TLK1: variants seen among roughly 807,000 people sequenced by gnomAD.
The protein encoded by TLK1 is serine/threonine-protein kinase tousled-like 1.
In TLK1, 24 loss-of-function variants were observed where a neutral mutation model predicts 105.3. The ratio of observed to expected loss-of-function variants is 0.23; its 90% CI spans 0.17 to 0.32. The LOEUF (loss-of-function observed/expected upper bound fraction) is 0.32. TLK1 is among the 10% of genes least tolerant of loss of function. TLK1 has a pLI of 1.00. For missense variants in TLK1, 558 were observed against 910.5 expected (o/e 0.61, Z 4.98); for synonymous variants, 321 against 310.4 (o/e 1.03, Z -0.36).
chr2:171,035,184 T>C (rs576538260), intron 11 of TLK1, among the ~76,000 whole-genome samples: 46 of 152,010 alleles, frequency 3.0e-4, no homozygotes, highest in African/African-American at 1.1e-3. Flanking sequence ...CTACTAAAAA[T>C]ACAAAAAATT....
At position 171,086,025 on chromosome 2, in the gene TLK1, A is replaced by T. The variant is rs560296663; in HGVS notation, c.259-3173T>A. On this transcript the variant is annotated intron_variant, in intron 2 of 20. Transcript: ENST00000431350. Reference sequence around the variant, plus strand: ...AAGTAAAATAATTAAGGGATATCCAATTCTATCCTCTGCTTCGTATCTTCG... The same window carrying T: ...AAGTAAAATAATTAAGGGATATCCATTTCTATCCTCTGCTTCGTATCTTCG... Among the ~76,000 whole-genome samples the T allele has an allele frequency of 1.4e-4, 21 of 152,346 alleles. No homozygotes were observed. In the South Asian group the frequency reaches 3.7e-3, roughly 27 times the overall value.
At position 171,058,214 on chromosome 2, in the gene TLK1, G is replaced by A. The variant is rs373692808; in HGVS notation, c.407-17C>T. The stretch of plus-strand genomic sequence containing the variant: ...TACTTTTTCCTAAAATATAAGAAGC[G>A]CATGATGTTAGTAGGGTAGTGATGG... On this transcript the variant is annotated splice_polypyrimidine_tract_variant and intron_variant, in intron 4 of 20. Transcript: ENST00000431350. The A allele has an allele frequency of 1.7e-5, 28 of 1,612,970 alleles. No individual in the cohort carries two copies. Among genetic ancestry groups the A allele is most frequent in the East Asian group, 2.2e-5 (1 of 44,826 alleles).
At chr2:171,065,880 A>G (rs1687971120) in intron 3 of TLK1, among the ~76,000 whole-genome samples, 1 of 152,190 alleles carries the variant, frequency 6.6e-6, no homozygotes, top group African/African-American at 2.4e-5. Context: ...ACCAAATTCA[A>G]GGGTACTATA....
chr2:171,203,149 G>C (rs1183322429), intron 1 of TLK1, among the ~76,000 whole-genome samples: 1 of 151,610 alleles, frequency 6.6e-6, no homozygotes, highest in Non-Finnish European at 1.5e-5. Flanking sequence ...ATGCCCTCTT[G>C]GTGAGAGCAT....
chr2:171,112,502 C>T (rs915480487), intron 2 of TLK1, among the ~76,000 whole-genome samples: 3 of 152,156 alleles, frequency 2.0e-5, no homozygotes, highest in Non-Finnish European at 4.4e-5. Flanking sequence ...GTTATATACT[C>T]CAAACCTACA....
intron 1 of TLK1, among the ~76,000 whole-genome samples, chr2:171,124,096 T>G (rs1690773272): frequency 6.6e-6 from 1 of 152,220 alleles, no homozygotes; most frequent in Non-Finnish European, 1.5e-5. Context: ...AATATGGAAC[T>G]TTCTGTGCAT....
rs141341163 is a variant in TLK1 at position 171,055,164 on chromosome 2, C to T, written c.558G>A (p.Pro186=). The change falls in exon 7 of 21, where the codon CCG becomes CCA. Residue 186 remains proline, a synonymous_variant. Transcript: ENST00000431350. ...CTAATGCAGTAGGAGAAGGGCTATT[C>T]GGTCGAACCTAAAGAAATTATTAAA... is the stretch of plus-strand genomic sequence containing the variant. The part of the protein sequence containing the change: ...SHSTPSSSVR[P]NSPSPTALAF... The T allele has an allele frequency of 9.8e-5, 139 of 1,421,326 alleles. 1 individual carries two copies. The African/African-American group carries it at 1.7e-3, about 17-fold the overall frequency. 88.0% of individuals were successfully genotyped at this position (1,421,326 alleles called of 1,614,324 possible).
At chr2:171,001,036 CTCTT>C (rs71008741) in intron 18 of TLK1, among the ~76,000 whole-genome samples, 31,689 of 152,010 alleles carry the variant, frequency 0.21, 3,841 homozygotes, top group Non-Finnish European at 0.28. Context: ...TATCCACAGT[CTCTT>C]TCATGATTTC....
At chr2:171,127,920 C>T (rs1690938141) in intron 1 of TLK1, among the ~76,000 whole-genome samples, 1 of 152,048 alleles carries the variant, frequency 6.6e-6, no homozygotes, top group Non-Finnish European at 1.5e-5. Flanking sequence ...CACAGACACA[C>T]ACTTTCCGAA....
At chr2:171,201,000 G>T (rs1486916357) in intron 1 of TLK1, among the ~76,000 whole-genome samples, 1 of 151,096 alleles carries the variant, frequency 6.6e-6, no homozygotes, top group Non-Finnish European at 1.5e-5. Context: ...TCCTGCCTCA[G>T]CCTCCTGAGT....
intron 1 of TLK1, among the ~76,000 whole-genome samples, chr2:171,211,136 T>C (rs537823042): frequency 7.9e-5 from 12 of 152,342 alleles, no homozygotes; most frequent in African/African-American, 2.6e-4. Flanking sequence ...AAAAGCACTC[T>C]GAAGACAGAT....
chr2:171,175,506 G>C (rs981450038), intron 1 of TLK1, among the ~76,000 whole-genome samples: 2 of 152,074 alleles, frequency 1.3e-5, no homozygotes, highest in African/African-American at 4.8e-5. Context: ...TAAGGGACTT[G>C]AGTATCCATG....
chr2:171,027,035 C>A (rs1174564372), intron 12 of TLK1, among the ~76,000 whole-genome samples: 1 of 152,036 alleles, frequency 6.6e-6, no homozygotes, highest in Non-Finnish European at 1.5e-5. Flanking sequence ...ACAGATATAG[C>A]ATATTAAAGG....
chr2:170,998,446 C>A (rs892549807), intron 18 of TLK1, among the ~76,000 whole-genome samples: 1 of 152,166 alleles, frequency 6.6e-6, no homozygotes, highest in Non-Finnish European at 1.5e-5. Flanking sequence ...CATCTCCACT[C>A]GGCTCTCCTT....
intron 16 of TLK1, 70 bp from the exon 17 acceptor site, chr2:171,006,713 G>T (rs776623122): frequency 3.1e-6 from 5 of 1,594,000 alleles, no homozygotes; most frequent in Non-Finnish European, 4.3e-6. Context: ...ATGGGGAAAT[G>T]GAGAGTATTT....
At chr2:171,206,841 A>T (rs1041157062) in intron 1 of TLK1, among the ~76,000 whole-genome samples, 13 of 152,234 alleles carry the variant, frequency 8.5e-5, no homozygotes, top group African/African-American at 3.1e-4. Flanking sequence ...AAACTGAAAC[A>T]ACAATGAGAT....
chr2:171,099,373 T>C (rs1176592931), intron 2 of TLK1, among the ~76,000 whole-genome samples: 5 of 152,172 alleles, frequency 3.3e-5, no homozygotes, highest in Admixed American at 6.5e-5. Flanking sequence ...TCTAAATGAA[T>C]GTACCAACAG....
At chr2:171,087,904 C>G (rs1003562951) in intron 2 of TLK1, among the ~76,000 whole-genome samples, 16 of 152,160 alleles carry the variant, frequency 1.1e-4, no homozygotes, top group African/African-American at 3.9e-4. Flanking sequence ...GACCCTTAGG[C>G]CCTTTCTTGT....
intron 2 of TLK1, among the ~76,000 whole-genome samples, chr2:171,097,757 C>G (rs1689509473): frequency 6.6e-6 from 1 of 152,142 alleles, no homozygotes; most frequent in Non-Finnish European, 1.5e-5. Context: ...AATGACATCT[C>G]TACTAAAAAT....
Sources: gnomAD v4.1 joint callset for allele counts (sites outside exome capture counted in the v4.1 genomes callset) on GRCh38, gnomAD v4.1.1 for gene constraint, MANE v1.5 for transcripts, NCBI Gene and HGNC (gene_info 2026-07-23, HGNC 2026-07-21) for gene names.